AK8: variants seen among roughly 807,000 people sequenced by gnomAD.
The protein encoded by AK8 is ATP-AMP transphosphorylase 8.
A neutral mutation model predicts 54.6 loss-of-function variants in AK8; 44 were observed. The observed-to-expected ratio is 0.81, with a 90% confidence interval of 0.63 to 1.04. The LOEUF (loss-of-function observed/expected upper bound fraction) is 1.04, where lower values mean the gene tolerates loss of function less well. Among genes scored for constraint, AK8 ranks in the 50% least tolerant of loss-of-function variants. AK8 has a pLI of 0.00. For synonymous variants in AK8, 239 were observed against 245.6 expected (o/e 0.97, Z 0.25); for missense variants, 555 against 613.6 (o/e 0.90, Z 1.01).
chr9:132,749,592 G>A (rs1424949599), intron 11 of AK8, among the ~76,000 whole-genome samples: 1 of 151,926 alleles, frequency 6.6e-6, no homozygotes, highest in Non-Finnish European at 1.5e-5. Context: ...GAGTGACCCA[G>A]AAGAACTCGC....
rs1588142973 is a variant in AK8, at chr9:132,798,913, T to C, written c.980-6138A>G. Among the ~76,000 whole-genome samples, 2 of 151,270 alleles carry C rather than the reference T, an allele frequency of 1.3e-5. 1 individual carries two copies. Among genetic ancestry groups the C allele is most frequent in the Non-Finnish European group, 3.0e-5 (2 of 67,796 alleles). ...CCCTCCTGTCTCGAAGGGGAAGGAG[T>C]CCTGTCTAAAGGCCCAGGATCCCAT... On this transcript the variant is annotated intron_variant, in intron 10 of 12. Transcript: ENST00000298545.
At chr9:132,831,171 T>C (rs1239327791) in intron 5 of AK8, among the ~76,000 whole-genome samples, 4 of 152,184 alleles carry the variant, frequency 2.6e-5, no homozygotes, top group South Asian at 2.1e-4. Flanking sequence ...TCGTAATGTC[T>C]AGTAAAATAC....
intron 7 of AK8, chr9:132,827,791 A>G: frequency 1.8e-6 from 1 of 545,246 alleles, no homozygotes; most frequent in Non-Finnish European, 3.2e-6. Flanking sequence ...TTCTGCCACA[A>G]GAAAGTCTCC....
chr9:132,877,432 T>C (rs1844172421), intron 1 of AK8, among the ~76,000 whole-genome samples: 1 of 152,098 alleles, frequency 6.6e-6, no homozygotes, highest in African/African-American at 2.4e-5. Flanking sequence ...AGACAAATGA[T>C]CTGAAAACTG....
chr9:132,802,189 G>A (rs1840491830), intron 10 of AK8, among the ~76,000 whole-genome samples: 1 of 152,256 alleles, frequency 6.6e-6, no homozygotes, highest in African/African-American at 2.4e-5. Flanking sequence ...TGCTTAGGCT[G>A]TGGCTGCCTC....
intron 4 of AK8, among the ~76,000 whole-genome samples, chr9:132,857,765 G>A (rs1177614166): frequency 6.6e-6 from 1 of 152,216 alleles, no homozygotes; most frequent in Non-Finnish European, 1.5e-5. Flanking sequence ...CAGCCCCGGT[G>A]GGGCACAGCA....
At chr9:132,729,614 T>C (rs1220628118) in intron 11 of AK8, among the ~76,000 whole-genome samples, 1 of 152,248 alleles carries the variant, frequency 6.6e-6, no homozygotes, top group East Asian at 1.9e-4. Flanking sequence ...TATCAAGTGC[T>C]GGCTGTGTCT....
chr9:132,822,377 T>C (rs2131288991), intron 9 of AK8, among the ~76,000 whole-genome samples: 1 of 151,556 alleles, frequency 6.6e-6, no homozygotes, highest in East Asian at 1.9e-4. Flanking sequence ...GTAGGTATAT[T>C]TGTGTGTGTC....
chr9:132,733,325 C>G lies in AK8; in HGVS notation c.1122-5791G>C, dbSNP rs141746079. Among the ~76,000 whole-genome samples, 213 of 152,254 alleles carry G rather than the reference C, an allele frequency of 1.4e-3. 5 individuals carry two copies. In the East Asian group the frequency reaches 0.033, roughly 24 times the overall value. Reference sequence around the variant, plus strand: ...CTGTGAACACGCGGCCCCCCTTGCACCCCCGGTACTGCAAGGCCCAACGGC... The same window carrying G: ...CTGTGAACACGCGGCCCCCCTTGCAGCCCCGGTACTGCAAGGCCCAACGGC... On this transcript the variant is annotated intron_variant, in intron 11 of 12. Coordinates refer to ENST00000298545, the MANE Select transcript of AK8 (RefSeq NM_152572.3).
intron 5 of AK8, among the ~76,000 whole-genome samples, chr9:132,836,123 C>CA (rs201519284): frequency 2.2e-4 from 33 of 148,802 alleles, no homozygotes; most frequent in African/African-American, 5.5e-4. Context: ...AACTCCATCT[C>CA]AAAAAAAAAC....
intron 12 of AK8, 119 bp downstream of exon 12, chr9:132,727,335 C>A: frequency 1.1e-6 from 1 of 898,770 alleles, no homozygotes; most frequent in Admixed American, 2.0e-5. Context: ...TTTTGATAAT[C>A]GTCCTTCAGT....
In AK8 at chr9:132,837,096, G is replaced by A. The variant is rs997426023; in HGVS notation, c.403-8370C>T. Among the ~76,000 whole-genome samples the A allele has an allele frequency of 1.3e-5, 2 of 152,088 alleles. No homozygotes were observed. Among genetic ancestry groups the A allele is most frequent in the Admixed American group, 6.5e-5 (1 of 15,274 alleles). On this transcript the variant is annotated intron_variant, in intron 5 of 12. Coordinates refer to ENST00000298545, the MANE Select transcript of AK8 (RefSeq NM_152572.3). This position sits in a 1 kb window ranked among gnomAD's most constrained non-coding sequence, Gnocchi z 4.3. ...AGCACTTTGGGAGGCCAAGGTAGGC[G>A]GATCATGAGGTCAAGAGATCGAGAC...
At chr9:132,865,664 T>A (rs963198780) in intron 3 of AK8, among the ~76,000 whole-genome samples, 2 of 151,806 alleles carry the variant, frequency 1.3e-5, no homozygotes, top group Admixed American at 1.3e-4. Flanking sequence ...AATACAAAAA[T>A]TAGCTGGGCA....
chr9:132,862,061 C>T (rs1417272183), intron 4 of AK8, among the ~76,000 whole-genome samples: 1 of 152,194 alleles, frequency 6.6e-6, no homozygotes, highest in African/African-American at 2.4e-5. Flanking sequence ...TTTTATCCTA[C>T]AAAAAAGCCT....
intron 2 of AK8, among the ~76,000 whole-genome samples, chr9:132,871,713 C>T (rs1275625248): frequency 6.6e-6 from 1 of 152,206 alleles, no homozygotes; most frequent in Non-Finnish European, 1.5e-5. Flanking sequence ...GGAGCAAGGG[C>T]TCCTTGGAGG....
At chr9:132,798,715 C>A (rs1224645576) in intron 10 of AK8, among the ~76,000 whole-genome samples, 18 of 149,436 alleles carry the variant, frequency 1.2e-4, no homozygotes, top group African/African-American at 3.9e-4. Flanking sequence ...TTCTCAAGAT[C>A]TTCCATAAAA....
intron 11 of AK8, among the ~76,000 whole-genome samples, chr9:132,736,690 C>A (rs2130958201): frequency 6.7e-6 from 1 of 148,378 alleles, no homozygotes; most frequent in African/African-American, 2.5e-5. Context: ...GAGGCTGAAG[C>A]AGGAGAATGG....
chr9:132,811,814 C>A (rs1206478742), intron 10 of AK8, among the ~76,000 whole-genome samples: 1 of 152,144 alleles, frequency 6.6e-6, no homozygotes, highest in Non-Finnish European at 1.5e-5. Context: ...CAAGAGTGTG[C>A]ATTTTAGTAT....
intron 9 of AK8, among the ~76,000 whole-genome samples, chr9:132,820,814 C>T (rs1275294393): frequency 6.6e-6 from 1 of 152,204 alleles, no homozygotes; most frequent in African/African-American, 2.4e-5. Flanking sequence ...GAGCGGATGG[C>T]CGCAGCGGAG....
Sources: gnomAD v4.1 joint callset for allele counts (sites outside exome capture counted in the v4.1 genomes callset) on GRCh38, gnomAD v4.1.1 for gene constraint, Gnocchi (gnomAD v3.1) non-coding constraint, MANE v1.5 for transcripts, NCBI Gene and HGNC (gene_info 2026-07-23, HGNC 2026-07-21) for gene names.